The following ZBTB20 variants were observed in gnomAD, a reference collection of about 807,000 sequenced individuals.
The protein encoded by ZBTB20 is zinc finger and BTB domain containing 20, also known as zinc finger and BTB domain-containing protein 20.
ZBTB20 carries 9 observed loss-of-function variants against 56.9 expected under a neutral mutation model. The observed-to-expected ratio is 0.16, with a 90% CI of 0.10 to 0.28. The LOEUF (loss-of-function observed/expected upper bound fraction) is 0.28, where lower values mean the gene tolerates loss of function less well. Ranked by LOEUF, ZBTB20 falls within the 10% of genes least tolerant of loss-of-function variation. ZBTB20 has a pLI of 1.00. For synonymous variants in ZBTB20, 417 were observed against 420.7 expected, an observed-to-expected ratio of 0.99 and a Z score of 0.11; for missense variants, 655 against 1,003.0, an observed-to-expected ratio of 0.65 and a Z score of 4.69.
chr3:114,597,976 T>C (rs921345981), intron 6 of ZBTB20, among the ~76,000 whole-genome samples: 1 of 152,120 alleles, frequency 6.6e-6, no homozygotes, highest in African/African-American at 2.4e-5. Flanking sequence ...GAAGACAAAA[T>C]CAGTTTTAAC....
chr3:114,903,315 C>A (rs559356369), intron 3 of ZBTB20, among the ~76,000 whole-genome samples: 1 of 152,066 alleles, frequency 6.6e-6, no homozygotes, highest in Non-Finnish European at 1.5e-5. Context: ...TATAAAGGAA[C>A]TAGCACAGTG....
At chr3:115,121,117 T>C (rs2084170743) in intron 1 of ZBTB20, among the ~76,000 whole-genome samples, 1 of 152,058 alleles carries the variant, frequency 6.6e-6, no homozygotes, top group African/African-American at 2.4e-5. Flanking sequence ...TTATAACCCG[T>C]TGAGCTACGG....
chr3:114,782,487 A>G (rs1253050310), intron 5 of ZBTB20, among the ~76,000 whole-genome samples: 1 of 152,214 alleles, frequency 6.6e-6, no homozygotes, highest in Non-Finnish European at 1.5e-5. Flanking sequence ...CTAAGTGAGC[A>G]TGAAATATTT....
At chr3:114,802,939 T>C (rs1272838523) in intron 4 of ZBTB20, among the ~76,000 whole-genome samples, 7 of 151,854 alleles carry the variant, frequency 4.6e-5, no homozygotes, top group Non-Finnish European at 1.0e-4. Context: ...CAGGTTTCCT[T>C]CTCCTCAATT....
intron 1 of ZBTB20, among the ~76,000 whole-genome samples, chr3:115,071,950 G>A (rs1468203975): frequency 2.0e-5 from 3 of 152,132 alleles, no homozygotes; most frequent in Non-Finnish European, 2.9e-5. Context: ...GATGTGCCAC[G>A]AGGATGACAA....
intron 6 of ZBTB20, among the ~76,000 whole-genome samples, chr3:114,659,254 A>G (rs1298369098): frequency 6.6e-6 from 1 of 152,148 alleles, no homozygotes; most frequent in Non-Finnish European, 1.5e-5. Flanking sequence ...TCACTGCCTT[A>G]TCTAACCTTC....
intron 4 of ZBTB20, among the ~76,000 whole-genome samples, chr3:114,885,991 C>T (rs1003604085): frequency 1.3e-5 from 2 of 152,120 alleles, no homozygotes; most frequent in African/African-American, 4.8e-5. Context: ...TTGTAATATC[C>T]TACAACCATG....
intron 5 of ZBTB20, among the ~76,000 whole-genome samples, chr3:114,700,295 C>T (rs1288390683): frequency 6.6e-6 from 1 of 151,762 alleles, no homozygotes; most frequent in Non-Finnish European, 1.5e-5. Flanking sequence ...AATGTGATAT[C>T]CTCAGAAACT....
chr3:114,565,484 G>A (rs1260792406), intron 6 of ZBTB20, among the ~76,000 whole-genome samples: 2 of 152,150 alleles, frequency 1.3e-5, no homozygotes, highest in Non-Finnish European at 2.9e-5. Flanking sequence ...CAAAATATCT[G>A]TTCTTGGCAA....
intron 6 of ZBTB20, among the ~76,000 whole-genome samples, chr3:114,664,209 C>A (rs1459669500): frequency 1.3e-5 from 2 of 152,002 alleles, no homozygotes; most frequent in South Asian, 2.1e-4. Context: ...AGATTTTGAA[C>A]CACTGTCAAG....
chr3:114,685,310 C>A (rs2062262901), intron 6 of ZBTB20, among the ~76,000 whole-genome samples: 1 of 152,186 alleles, frequency 6.6e-6, no homozygotes. Context: ...GATTAGGCAT[C>A]AGCAGGCTTG....
chr3:114,947,450 T>C lies in ZBTB20; in HGVS notation c.-456+26916A>G, dbSNP rs1018827675. ...GATTGGATTAAAAATGTGAAATATA[T>C]ATGTAATAGGATACTATCCAGCTAT... On this transcript the variant is annotated intron_variant, in intron 3 of 11. Coordinates refer to ENST00000675478, the MANE Select transcript of ZBTB20 (RefSeq NM_001348800.3). 6.8e-5 allele frequency among the ~76,000 whole-genome samples: 10 copies of C among 146,234 alleles called. 1 individual carries two copies. Among genetic ancestry groups the C allele is most frequent in the Admixed American group, 4.0e-4 (6 of 15,106 alleles).
Position 114,321,905 on chromosome 3 carries a change from G to C in ZBTB20, c.*17100C>G, listed in dbSNP as rs904329247. On this transcript the variant is annotated 3_prime_UTR_variant, in exon 12 of 12. Transcript: ENST00000675478. ...ACTGGAGGCAATGGTACAGAAAAGC[G>C]TAACTGAATAAATTATTAATCTAGT... 9.2e-5 allele frequency: 14 copies of C among 152,326 alleles called. No individual in the cohort carries two copies. The highest frequency in any genetic ancestry group is 3.1e-4 in the African/African-American group (13 of 41,560). The allele number at this position is 152,326 out of a possible 1,614,324, so 9.4% of individuals were successfully genotyped here.
In ZBTB20 at chr3:114,329,244, T is replaced by A. The variant is rs904483083; in HGVS notation, c.*9761A>T. On this transcript the variant is annotated 3_prime_UTR_variant, in exon 12 of 12. Coordinates refer to ENST00000675478, the MANE Select transcript of ZBTB20 (RefSeq NM_001348800.3). ...GATGAAAGGAAGGAATTCCCCAGTG[T>A]TCACGCTGAGAAGTCTTCATATTGG... 1 of 152,162 alleles carries A rather than the reference T, an allele frequency of 6.6e-6. No homozygotes were observed. Among genetic ancestry groups the A allele is most frequent in the East Asian group, 1.9e-4 (1 of 5,192 alleles). The allele number at this position is 152,162 out of a possible 1,614,324, so 9.4% of individuals were successfully genotyped here.
In ZBTB20 at chr3:114,380,417, A is replaced by G; in HGVS notation, c.12-13T>C. The G allele has an allele frequency of 6.6e-7, 1 of 1,514,462 alleles. No individual in the cohort carries two copies. The highest frequency in any genetic ancestry group is 1.2e-5 in the South Asian group (1 of 81,092). 93.8% of individuals were successfully genotyped at this position (1,514,462 alleles called of 1,614,324 possible). ...CTTGGGTTTCTTCCTGAAAATAAAC[A>G]AAGGGCCCTTTGAAGGAACTGACTG... is the stretch of plus-strand genomic sequence containing the variant. On this transcript the variant is annotated splice_polypyrimidine_tract_variant and intron_variant, in intron 9 of 11. Transcript: ENST00000675478.
intron 7 of ZBTB20, among the ~76,000 whole-genome samples, chr3:114,475,864 G>A (rs2040695387): frequency 6.6e-6 from 1 of 152,134 alleles, no homozygotes; most frequent in South Asian, 2.1e-4. Flanking sequence ...GAATCATTTA[G>A]AAAAGTTTGA....
At chr3:114,816,056 T>G (rs1455364443) in intron 4 of ZBTB20, among the ~76,000 whole-genome samples, 1 of 152,184 alleles carries the variant, frequency 6.6e-6, no homozygotes, top group Admixed American at 6.5e-5. Context: ...TGAGGAGCTA[T>G]CCTCTTTCTG....
chr3:114,758,970 CT>C (rs2068231750), intron 5 of ZBTB20: 1 of 151,994 alleles, frequency 6.6e-6, no homozygotes, highest in African/African-American at 2.4e-5. Context: ...TTCTGTGTTT[CT>C]TTCTAACCCT....
chr3:114,366,875 G>C (rs1472678208), intron 10 of ZBTB20: 1 of 141,458 alleles, frequency 7.1e-6, no homozygotes, highest in African/African-American at 2.5e-5. Context: ...CTTCAGAATA[G>C]AAGAAGGTAA....
Sources: allele counts gnomAD v4.1 joint callset (sites outside exome capture counted in the v4.1 genomes callset), GRCh38; gene constraint gnomAD v4.1.1; transcripts MANE v1.5; gene names NCBI Gene and HGNC (gene_info 2026-07-23, HGNC 2026-07-21).